Variants in DLGAP2 observed in about 807,000 individuals in gnomAD.
DLGAP2 encodes disks large-associated protein 2.
In DLGAP2, 26 loss-of-function variants were observed where a neutral mutation model predicts 100.3. The observed-to-expected ratio is 0.26, with a 90% CI of 0.19 to 0.36. The LOEUF is 0.36. DLGAP2 is among the 10% of genes least tolerant of loss of function. The pLI is 1.00. For missense variants in DLGAP2, 1,858 were observed against 1,453.2 expected (o/e 1.28, Z -4.53); for synonymous variants, 886 against 630.1 (o/e 1.41, Z -6.08).
chr8:1,604,397 A>C (rs931996396), intron 6 of DLGAP2, among the ~76,000 whole-genome samples: 1 of 152,174 alleles, frequency 6.6e-6, no homozygotes, highest in African/African-American at 2.4e-5. Context: ...AAATAGATCC[A>C]TGTTTCTCAA....
At chr8:1,274,320 G>C (rs1799639842) in intron 3 of DLGAP2, among the ~76,000 whole-genome samples, 1 of 152,230 alleles carries the variant, frequency 6.6e-6, no homozygotes, top group African/African-American at 2.4e-5. Context: ...CCCCCACACA[G>C]ACTCTCATGT....
rs549710331 is a variant in DLGAP2 at position 888,212 on chromosome 8, C to T, written c.19-19700C>T. The stretch of plus-strand genomic sequence containing the variant: ...ACTTGTGTATGCTTCATGAAGTTCT[C>T]GTGCTGTGTTTTTCAGCTCTGTCAG... On this transcript the variant is annotated intron_variant, in intron 1 of 14. Coordinates refer to ENST00000637795, the MANE Select transcript of DLGAP2 (RefSeq NM_001346810.2). Among the ~76,000 whole-genome samples the T allele has an allele frequency of 3.1e-4, 47 of 152,258 alleles. 1 individual carries two copies. The South Asian group carries it at 5.2e-3, about 17-fold the overall frequency.
At chr8:1,695,901 G>A (rs905569112) in intron 13 of DLGAP2, among the ~76,000 whole-genome samples, 1 of 152,356 alleles carries the variant, frequency 6.6e-6, no homozygotes, top group East Asian at 1.9e-4. Flanking sequence ...CCGCTGGCCA[G>A]GGCCGCCCTC....
At chr8:847,806 G>A (rs1563061295) in intron 1 of DLGAP2, among the ~76,000 whole-genome samples, 2 of 152,112 alleles carry the variant, frequency 1.3e-5, no homozygotes, top group Non-Finnish European at 2.9e-5. Flanking sequence ...ACTGCGCCTG[G>A]CCTTTGACTG....
chr8:779,602 T>G (rs1821632955), intron 1 of DLGAP2, among the ~76,000 whole-genome samples: 2 of 152,034 alleles, frequency 1.3e-5, no homozygotes, highest in African/African-American at 4.8e-5. Context: ...GTGTGGGGAT[T>G]ACAGGCATAA....
At chr8:1,307,719 A>G (rs10086470) in intron 3 of DLGAP2, among the ~76,000 whole-genome samples, 51,893 of 152,006 alleles carry the variant, frequency 0.34, 9,349 homozygotes, top group African/African-American at 0.39. Flanking sequence ...ACATGGCACA[A>G]TATAGATGAA....
At chr8:1,561,483 T>G (rs912875917) in intron 5 of DLGAP2, among the ~76,000 whole-genome samples, 5 of 152,128 alleles carry the variant, frequency 3.3e-5, no homozygotes, top group African/African-American at 1.2e-4. Context: ...TTGGGCCTCT[T>G]GGAATCTGGG....
chr8:1,234,913 T>C (rs1441243375), intron 2 of DLGAP2, among the ~76,000 whole-genome samples: 1 of 152,240 alleles, frequency 6.6e-6, no homozygotes, highest in Non-Finnish European at 1.5e-5. Context: ...GCGCCATATC[T>C]AGTTCTCTCG....
intron 3 of DLGAP2, among the ~76,000 whole-genome samples, chr8:1,375,198 C>T (rs1802361645): frequency 3.5e-5 from 3 of 86,246 alleles, no homozygotes; most frequent in Admixed American, 1.2e-4. Context: ...TCCACGGCCT[C>T]AGAACTGATC....
rs555674137 is a variant in DLGAP2, at chr8:1,514,538, A to C, written c.172+13107A>C. Among the ~76,000 whole-genome samples the C allele has an allele frequency of 3.9e-5, 6 of 152,390 alleles. No individual in the cohort carries two copies. In the East Asian group the frequency reaches 1.2e-3, roughly 29 times the overall value. On this transcript the variant is annotated intron_variant, in intron 4 of 14. Coordinates refer to ENST00000637795, the MANE Select transcript of DLGAP2 (RefSeq NM_001346810.2). Reference sequence around the variant, plus strand: ...GCGTTAATATTTCAGTAAGAGCTACACATGTGGTCAGGAGTGTGAAACTTC... The same window carrying C: ...GCGTTAATATTTCAGTAAGAGCTACCCATGTGGTCAGGAGTGTGAAACTTC...
chr8:1,274,294 C>T (rs992076178), intron 3 of DLGAP2, among the ~76,000 whole-genome samples: 1 of 152,144 alleles, frequency 6.6e-6, no homozygotes, highest in Non-Finnish European at 1.5e-5. Flanking sequence ...GCACGCATGA[C>T]ACAACCACAC....
Position 769,138 on chromosome 8 carries a change from A to C in DLGAP2, c.18+31313A>C, listed in dbSNP as rs934175511. 4.6e-4 allele frequency among the ~76,000 whole-genome samples: 70 copies of C among 152,094 alleles called. 1 individual carries two copies. Among genetic ancestry groups the C allele is most frequent in the Non-Finnish European group, 1.5e-5 (1 of 68,022 alleles). On this transcript the variant is annotated intron_variant, in intron 1 of 14. Coordinates refer to ENST00000637795, the MANE Select transcript of DLGAP2 (RefSeq NM_001346810.2). ...GTGTGAGCAGCTCGGATCTCTAGAGAAAGAAAATCAGCTCAGAAACCTTTT... is the reference window on the plus strand; with the variant it reads ...GTGTGAGCAGCTCGGATCTCTAGAGCAAGAAAATCAGCTCAGAAACCTTTT...
chr8:1,029,087 G>C (rs1801899392), intron 2 of DLGAP2, among the ~76,000 whole-genome samples: 1 of 152,192 alleles, frequency 6.6e-6, no homozygotes. Flanking sequence ...GTGAGGCTCT[G>C]TGAAGGGCTG....
intron 3 of DLGAP2, among the ~76,000 whole-genome samples, chr8:1,333,566 C>T (rs1211953531): frequency 6.6e-6 from 1 of 152,140 alleles, no homozygotes; most frequent in Admixed American, 6.5e-5. Flanking sequence ...CATCCGGACA[C>T]CTCCATTGCC....
At chr8:754,630 G>GA (rs1820877789) in intron 1 of DLGAP2, among the ~76,000 whole-genome samples, 2 of 152,204 alleles carry the variant, frequency 1.3e-5, no homozygotes, top group Admixed American at 6.5e-5. Flanking sequence ...AAGGAGGGAA[G>GA]ATTGAGGTCA....
At chr8:1,587,892 C>G (rs1796172604) in intron 6 of DLGAP2, among the ~76,000 whole-genome samples, 1 of 152,044 alleles carries the variant, frequency 6.6e-6, no homozygotes, top group African/African-American at 2.4e-5. Context: ...TTAAGTCATT[C>G]ATGATAACAC....
At chr8:1,370,662 C>T (rs1802215959) in intron 3 of DLGAP2, among the ~76,000 whole-genome samples, 1 of 152,226 alleles carries the variant, frequency 6.6e-6, no homozygotes, top group Non-Finnish European at 1.5e-5. Flanking sequence ...TAGAAGCCAT[C>T]TGAAGGCACC....
Position 1,330,314 on chromosome 8 carries a change from TG to T in DLGAP2, c.106+71432del, listed in dbSNP as rs11337250. On this transcript the variant is annotated intron_variant, in intron 3 of 14. Coordinates refer to ENST00000637795, the MANE Select transcript of DLGAP2 (RefSeq NM_001346810.2). ...GGTGGGAGCACTACTTCACAGGGAC[TG>T]AGTTCTGGGTGGGAGCACCGCTTCG... Among the ~76,000 whole-genome samples the T allele has an allele frequency of 4.7e-3, 151 of 32,136 alleles. 1 individual carries two copies. Among genetic ancestry groups the T allele is most frequent in the African/African-American group, 0.02 (88 of 4,344 alleles). 21.1% of individuals were successfully genotyped at this position (32,136 alleles called of 152,430 possible).
In DLGAP2 at chr8:1,384,343, CGGCCCCTG is replaced by C. The variant is rs1796165878; in HGVS notation, c.107-117022_107-117015del. On this transcript the variant is annotated intron_variant, in intron 3 of 14. Coordinates refer to ENST00000637795, the MANE Select transcript of DLGAP2 (RefSeq NM_001346810.2). ...GTGCACAGTTACCCCGGCCTGTGCC[CGGCCCCTG>C]AGAACTTGGTGCACAGTTACCCCGG... Among the ~76,000 whole-genome samples the C allele has an allele frequency of 1.8e-4, 27 of 148,724 alleles. 1 individual carries two copies. The highest frequency in any genetic ancestry group is 3.7e-4 in the African/African-American group (15 of 40,916).
Sources: allele counts gnomAD v4.1 joint callset (sites outside exome capture counted in the v4.1 genomes callset), GRCh38; gene constraint gnomAD v4.1.1; transcripts MANE v1.5; gene names NCBI Gene and HGNC (gene_info 2026-07-23, HGNC 2026-07-21).